GRIN2B: variants seen among roughly 807,000 people sequenced by gnomAD.
The protein encoded by GRIN2B is glutamate receptor ionotropic, NMDA 2B.
A neutral mutation model predicts 114.5 loss-of-function variants in GRIN2B; 5 were observed. The observed-to-expected ratio is 0.04, with a 90% CI of 0.02 to 0.09. GRIN2B has a LOEUF of 0.09. GRIN2B is among the 10% of genes least tolerant of loss of function. The pLI is 1.00. For missense variants in GRIN2B, 1,108 were observed against 1,943.5 expected (o/e 0.57, Z 8.08); for synonymous variants, 787 against 745.1 (o/e 1.06, Z -0.92).
intron 4 of GRIN2B, among the ~76,000 whole-genome samples, chr12:13,739,421 A>AT (rs1391004101): frequency 2.0e-5 from 3 of 150,694 alleles, no homozygotes; most frequent in African/African-American, 7.3e-5. Context: ...GGAAAAAAAA[A>AT]GCTAACTTCT....
At chr12:13,888,483 C>G (rs1024650005) in intron 2 of GRIN2B, among the ~76,000 whole-genome samples, 1 of 151,514 alleles carries the variant, frequency 6.6e-6, no homozygotes. Flanking sequence ...ACTGTAATCC[C>G]AGCACTTTGG....
intron 2 of GRIN2B, among the ~76,000 whole-genome samples, chr12:13,878,496 C>T (rs1331827467): frequency 6.6e-6 from 1 of 152,194 alleles, no homozygotes; most frequent in Non-Finnish European, 1.5e-5. Flanking sequence ...TGGTAAATAG[C>T]CCTTTGACTG....
intron 2 of GRIN2B, among the ~76,000 whole-genome samples, chr12:13,931,883 C>T (rs554731498): frequency 6.6e-6 from 1 of 152,204 alleles, no homozygotes; most frequent in South Asian, 2.1e-4. Context: ...TCCATAACTG[C>T]GACCTTAATC....
intron 4 of GRIN2B, among the ~76,000 whole-genome samples, chr12:13,710,795 T>C (rs1950406774): frequency 6.6e-6 from 1 of 152,126 alleles, no homozygotes; most frequent in Admixed American, 6.5e-5. Flanking sequence ...AAAATGGCCA[T>C]ATTGCCCAAG....
At chr12:13,670,696 A>G (rs545714178) in intron 5 of GRIN2B, among the ~76,000 whole-genome samples, 11 of 151,960 alleles carry the variant, frequency 7.2e-5, no homozygotes, top group Non-Finnish European at 1.5e-4. Context: ...TCTGCACACA[A>G]TGATTTTTTT....
rs115137482 is a variant in GRIN2B, at chr12:13,807,775, G to A, written c.412-53860C>T. On this transcript the variant is annotated intron_variant, in intron 3 of 13. Coordinates refer to ENST00000609686, the MANE Select transcript of GRIN2B (RefSeq NM_000834.5). ...CACAGGAAAAGTAAAGGTAGCAAGG[G>A]GCTTCTTAAAAAAGGGCACCAAGTC... 7.7e-3 allele frequency among the ~76,000 whole-genome samples: 1,078 copies of A among 140,060 alleles called. 23 individuals are homozygous for A. Among genetic ancestry groups the A allele is most frequent in the African/African-American group, 0.027 (1,036 of 37,796 alleles). The allele number at this position is 140,060 out of a possible 152,430, so 91.9% of individuals were successfully genotyped here.
rs1948251550 is a variant in GRIN2B at position 13,539,513 on chromosome 12, A to G, written c.*23270T>C. The G allele has an allele frequency of 6.6e-6, 1 of 152,228 alleles. No homozygotes were observed. The highest frequency in any genetic ancestry group is 1.5e-5 in the Non-Finnish European group (1 of 68,044). 9.4% of individuals were successfully genotyped at this position (152,228 alleles called of 1,614,324 possible). ...AAGAGAGATCATTTAGAATCCATAT[A>G]TAAAGCCAGTAACAGGACTGGGACT... On this transcript the variant is annotated 3_prime_UTR_variant, in exon 14 of 14. Transcript: ENST00000609686.
At chr12:13,843,475 A>G (rs1310342113) in intron 3 of GRIN2B, among the ~76,000 whole-genome samples, 2 of 152,182 alleles carry the variant, frequency 1.3e-5, no homozygotes, top group African/African-American at 4.8e-5. Flanking sequence ...CAAAGTAAAG[A>G]TTAAATATAC....
intron 3 of GRIN2B, among the ~76,000 whole-genome samples, chr12:13,819,520 T>C (rs1413045250): frequency 6.6e-6 from 1 of 152,156 alleles, no homozygotes; most frequent in Non-Finnish European, 1.5e-5. Context: ...CAGGATGTGT[T>C]TCCTAGTTCA....
chr12:13,570,308 G>A (rs1948689922), intron 11 of GRIN2B, among the ~76,000 whole-genome samples: 1 of 152,168 alleles, frequency 6.6e-6, no homozygotes, highest in Non-Finnish European at 1.5e-5. Flanking sequence ...GAGTAAAAAG[G>A]GATCAATAAA....
chr12:13,889,092 T>G (rs1565576390), intron 2 of GRIN2B, among the ~76,000 whole-genome samples: 1 of 152,220 alleles, frequency 6.6e-6, no homozygotes, highest in Non-Finnish European at 1.5e-5. Flanking sequence ...TTCTATAAGC[T>G]TTTTTCTATT....
At chr12:13,839,821 T>A (rs1865347652) in intron 3 of GRIN2B, among the ~76,000 whole-genome samples, 1 of 152,196 alleles carries the variant, frequency 6.6e-6, no homozygotes. Flanking sequence ...ACTATAAAAA[T>A]TCAGCTTCTT....
At position 13,784,364 on chromosome 12, in the gene GRIN2B, T is replaced by G. The variant is rs572686760; in HGVS notation, c.412-30449A>C. ...AGAGGAGTGACTAAAATACGGCAAG[T>G]GCTGAATAAGTATTTGTTATGTGGG... On this transcript the variant is annotated intron_variant, in intron 3 of 13. Coordinates refer to ENST00000609686, the MANE Select transcript of GRIN2B (RefSeq NM_000834.5). Among the ~76,000 whole-genome samples, 5 of 150,518 alleles carry G rather than the reference T, an allele frequency of 3.3e-5. No homozygotes were observed. The South Asian group carries it at 1.1e-3, about 32-fold the overall frequency.
intron 2 of GRIN2B, among the ~76,000 whole-genome samples, chr12:13,962,121 C>CACACACACACACACACACAT (rs60519392): frequency 1.3e-5 from 2 of 150,856 alleles, no homozygotes; most frequent in Non-Finnish European, 1.5e-5. Flanking sequence ...CACACACACA[C>CACACACACACACACACACAT]GTGCACGAAG....
intron 4 of GRIN2B, among the ~76,000 whole-genome samples, chr12:13,691,651 G>C (rs1158865951): frequency 6.6e-6 from 1 of 152,156 alleles, no homozygotes; most frequent in African/African-American, 2.4e-5. Flanking sequence ...GAAATACAGT[G>C]TTTGATGTCT....
intron 10 of GRIN2B, among the ~76,000 whole-genome samples, chr12:13,578,960 A>T (rs1430357125): frequency 6.6e-6 from 1 of 152,148 alleles, no homozygotes. Context: ...GCTTGGTGTG[A>T]CCAGGGGCTA....
At position 13,544,647 on chromosome 12, in the gene GRIN2B, C is replaced by T. The variant is rs972870660; in HGVS notation, c.*18136G>A. 4 of 152,212 alleles carry T rather than the reference C, an allele frequency of 2.6e-5. No individual in the cohort carries two copies. The highest frequency in any genetic ancestry group is 4.4e-5 in the Non-Finnish European group (3 of 68,056). 9.4% of individuals were successfully genotyped at this position (152,212 alleles called of 1,614,324 possible). ...TACACTGATGGCAACTCCAAACTTT[C>T]AATAGCTCAGGCCAAACATTCTAAG... On this transcript the variant is annotated 3_prime_UTR_variant, in exon 14 of 14. Coordinates refer to ENST00000609686, the MANE Select transcript of GRIN2B (RefSeq NM_000834.5).
At chr12:13,859,289 G>A (rs1473291245) in intron 3 of GRIN2B, among the ~76,000 whole-genome samples, 1 of 152,164 alleles carries the variant, frequency 6.6e-6, no homozygotes. Flanking sequence ...TATGACAAGT[G>A]ATGGCTGGTG....
intron 10 of GRIN2B, among the ~76,000 whole-genome samples, chr12:13,597,007 T>C (rs2268095): frequency 0.29 from 44,139 of 152,130 alleles, 7,426 homozygotes; most frequent in East Asian, 0.61. Context: ...GTAGGCAGTA[T>C]CACAGGGGCA....
Sources: gnomAD v4.1 joint callset for allele counts (sites outside exome capture counted in the v4.1 genomes callset) on GRCh38, gnomAD v4.1.1 for gene constraint, MANE v1.5 for transcripts, NCBI Gene and HGNC (gene_info 2026-07-23, HGNC 2026-07-21) for gene names.